NREP: variants seen among roughly 807,000 people sequenced by gnomAD.
The protein encoded by NREP is neuronal regeneration related protein, also known as neuronal regeneration-related protein.
NREP carries 5 observed loss-of-function variants against 8.6 expected under a neutral mutation model. The observed-to-expected ratio is 0.58, with a 90% CI of 0.30 to 1.22. The LOEUF (loss-of-function observed/expected upper bound fraction) is 1.22, where lower values mean the gene tolerates loss of function less well. Among genes scored for constraint, NREP ranks in the 50% most tolerant of loss-of-function variants. The pLI is 0.07. For missense variants in NREP, 86 were observed against 82.5 expected (o/e 1.04, Z -0.17); for synonymous variants, 27 against 28.0 (o/e 0.96, Z 0.11).
chr5:111,740,482 G>T (rs1021485008), intron 2 of NREP, among the ~76,000 whole-genome samples: 1 of 151,768 alleles, frequency 6.6e-6, no homozygotes, highest in African/African-American at 2.4e-5. Context: ...TTCTTTTGAG[G>T]CTTGTTTTAC....
At chr5:111,793,821 G>A (rs1260473000) in intron 2 of NREP, among the ~76,000 whole-genome samples, 4 of 152,134 alleles carry the variant, frequency 2.6e-5, no homozygotes, top group Non-Finnish European at 4.4e-5. Context: ...CACTTTGGGA[G>A]GCCAAGGCAG....
intron 2 of NREP, among the ~76,000 whole-genome samples, chr5:111,803,572 T>TTTA (rs778558343): frequency 3.9e-5 from 6 of 152,182 alleles, no homozygotes; most frequent in African/African-American, 4.8e-5. Flanking sequence ...AAGCTTATCT[T>TTTA]TTATTGTTCA....
chr5:111,809,459 T>A (rs539418296), intron 2 of NREP, among the ~76,000 whole-genome samples: 123 of 152,294 alleles, frequency 8.1e-4, no homozygotes, highest in Admixed American at 1.7e-3. Context: ...GGTATTTAGG[T>A]CATGGGGACA....
At chr5:111,770,905 G>C (rs574390963) in intron 2 of NREP, among the ~76,000 whole-genome samples, 2 of 152,166 alleles carry the variant, frequency 1.3e-5, no homozygotes, top group East Asian at 3.9e-4. Context: ...CAGCAAGCAA[G>C]AGAAGAAGAG....
At chr5:111,736,325 A>G (rs1581036476) in intron 2 of NREP, among the ~76,000 whole-genome samples, 1 of 152,220 alleles carries the variant, frequency 6.6e-6, no homozygotes, top group African/African-American at 2.4e-5. Context: ...TCTTTAAAAA[A>G]TTTAGAAACA....
intron 2 of NREP, among the ~76,000 whole-genome samples, chr5:111,942,287 T>A (rs1177886668): frequency 6.6e-6 from 1 of 152,070 alleles, no homozygotes; most frequent in Admixed American, 6.6e-5. Flanking sequence ...ATAAAAATGA[T>A]TCATATTCTG....
chr5:111,780,878 A>G (rs561125024), intron 2 of NREP, among the ~76,000 whole-genome samples: 3 of 146,328 alleles, frequency 2.1e-5, no homozygotes, highest in South Asian at 2.3e-4. Context: ...AATAGAGTCT[A>G]TGTTCCTTCC....
chr5:111,944,192 T>C (rs1183386163), intron 2 of NREP, among the ~76,000 whole-genome samples: 1 of 152,134 alleles, frequency 6.6e-6, no homozygotes, highest in South Asian at 2.1e-4. Flanking sequence ...CACCAATTTT[T>C]GTTTTGAAAT....
intron 2 of NREP, among the ~76,000 whole-genome samples, chr5:111,782,252 T>G (rs1410309961): frequency 6.6e-6 from 1 of 152,204 alleles, no homozygotes; most frequent in East Asian, 1.9e-4. Context: ...AATATCCACA[T>G]GTAGAGTACA....
intron 2 of NREP, among the ~76,000 whole-genome samples, chr5:111,915,680 A>G (rs1422180726): frequency 6.6e-6 from 1 of 152,054 alleles, no homozygotes; most frequent in Non-Finnish European, 1.5e-5. Context: ...TCCCTCACAC[A>G]TGCACCTACA....
intron 2 of NREP, among the ~76,000 whole-genome samples, chr5:111,800,644 C>T (rs1366940592): frequency 6.6e-6 from 1 of 152,172 alleles, no homozygotes; most frequent in Non-Finnish European, 1.5e-5. Flanking sequence ...ATTCAAAGTG[C>T]ACATTGCTGG....
intron 2 of NREP, among the ~76,000 whole-genome samples, chr5:111,957,867 C>T (rs186404847): frequency 6.6e-6 from 1 of 151,812 alleles, no homozygotes; most frequent in East Asian, 1.9e-4. Context: ...ACAAGAAAAG[C>T]ATTAAGGACA....
chr5:111,780,493 A>G (rs983697548), intron 2 of NREP, among the ~76,000 whole-genome samples: 1 of 152,164 alleles, frequency 6.6e-6, no homozygotes, highest in South Asian at 2.1e-4. Context: ...TTTGGCTACA[A>G]TGTAAATCCC....
At chr5:111,882,339 T>G (rs987733051) in intron 2 of NREP, among the ~76,000 whole-genome samples, 11 of 152,122 alleles carry the variant, frequency 7.2e-5, no homozygotes, top group African/African-American at 2.7e-4. Context: ...GTGAAAAGAC[T>G]GAATCTACGT....
chr5:111,948,217 T>C (rs1235484283), intron 2 of NREP, among the ~76,000 whole-genome samples: 2 of 152,088 alleles, frequency 1.3e-5, no homozygotes, highest in African/African-American at 2.4e-5. Context: ...ATTTCCCTGG[T>C]GGAAAGATCA....
chr5:111,867,728 T>C (rs1399454381), intron 2 of NREP, among the ~76,000 whole-genome samples: 1 of 152,032 alleles, frequency 6.6e-6, no homozygotes, highest in Non-Finnish European at 1.5e-5. Flanking sequence ...CAAAACAGAA[T>C]AAAATATGGT....
chr5:111,945,674 G>C (rs184701178), intron 2 of NREP, among the ~76,000 whole-genome samples: 4 of 151,952 alleles, frequency 2.6e-5, no homozygotes, highest in African/African-American at 9.6e-5. Flanking sequence ...AGAGAACTAG[G>C]AATGTAAGAA....
intron 2 of NREP, among the ~76,000 whole-genome samples, chr5:111,878,003 C>A (rs1753952809): frequency 6.6e-6 from 1 of 152,146 alleles, no homozygotes; most frequent in South Asian, 2.1e-4. Flanking sequence ...GCAAGGAGGA[C>A]AGTTTAAACG....
At chr5:111,888,104 A>T (rs1339191000) in intron 2 of NREP, among the ~76,000 whole-genome samples, 2 of 152,222 alleles carry the variant, frequency 1.3e-5, no homozygotes, top group Non-Finnish European at 2.9e-5. Flanking sequence ...AGGGTCAGCT[A>T]AGGCAAGGGG....
Sources: allele counts gnomAD v4.1 joint callset (sites outside exome capture counted in the v4.1 genomes callset), GRCh38; gene constraint gnomAD v4.1.1; transcripts MANE v1.5; gene names NCBI Gene and HGNC (gene_info 2026-07-23, HGNC 2026-07-21).